The following DOCK4 variants were observed in gnomAD, a reference collection of about 807,000 sequenced individuals.
The protein encoded by DOCK4 is dedicator of cytokinesis protein 4.
In DOCK4, 97 loss-of-function variants were observed where a neutral mutation model predicts 268.1. The observed-to-expected ratio is 0.36, with a 90% CI of 0.31 to 0.43. The LOEUF is 0.43. DOCK4 is among the 20% of genes least tolerant of loss of function. DOCK4 has a pLI of 1.00. For synonymous variants in DOCK4, 954 were observed against 887.2 expected (o/e 1.08, Z -1.34); for missense variants, 2,145 against 2,455.7 (o/e 0.87, Z 2.67).
rs117693056 is a variant in DOCK4 at position 112,060,410 on chromosome 7, A to G, written c.38-56279T>C. 2.7e-3 allele frequency among the ~76,000 whole-genome samples: 416 copies of G among 152,256 alleles called. 1 individual carries two copies. Among genetic ancestry groups the G allele is most frequent in the Non-Finnish European group, 4.7e-3 (322 of 68,006 alleles). On this transcript the variant is annotated intron_variant, in intron 1 of 52. Transcript: ENST00000428084. The stretch of plus-strand genomic sequence containing the variant: ...TATAAAGTTCTCTAAAAATAGTATA[A>G]TGGTTCCTCAAAAAATTAAAAATGG...
At chr7:111,939,342 C>T (rs1795012882) in intron 11 of DOCK4, among the ~76,000 whole-genome samples, 3 of 151,642 alleles carry the variant, frequency 2.0e-5, no homozygotes, top group South Asian at 2.1e-4. Flanking sequence ...GGTGAAACCC[C>T]GTCTCTACTA....
At chr7:111,789,616 T>C (rs1304246577) in intron 31 of DOCK4, among the ~76,000 whole-genome samples, 3 of 152,240 alleles carry the variant, frequency 2.0e-5, no homozygotes, top group South Asian at 4.1e-4. Context: ...CTTTCATTCA[T>C]CTATTAGCTT....
At chr7:111,815,024 T>C (rs900070553) in intron 27 of DOCK4, among the ~76,000 whole-genome samples, 3 of 152,240 alleles carry the variant, frequency 2.0e-5, no homozygotes, top group Non-Finnish European at 4.4e-5. Flanking sequence ...TTACAGTTCC[T>C]ATAGTATACA....
intron 1 of DOCK4, among the ~76,000 whole-genome samples, chr7:112,005,975 A>C (rs1185561080): frequency 6.6e-6 from 1 of 152,160 alleles, no homozygotes; most frequent in Non-Finnish European, 1.5e-5. Flanking sequence ...TTTGCCTTCC[A>C]GGAATCTTCC....
At chr7:111,899,980 C>CT (rs1258459466) in intron 15 of DOCK4, among the ~76,000 whole-genome samples, 2 of 152,204 alleles carry the variant, frequency 1.3e-5, no homozygotes, top group Non-Finnish European at 2.9e-5. Flanking sequence ...ACTTCTAAGT[C>CT]TTTTTCCAGC....
chr7:111,927,226 T>C (rs1793792460), intron 12 of DOCK4, among the ~76,000 whole-genome samples: 1 of 152,172 alleles, frequency 6.6e-6, no homozygotes, highest in African/African-American at 2.4e-5. Flanking sequence ...CAAATAATCT[T>C]GTGATTATAA....
intron 38 of DOCK4, 69 bp downstream of exon 38, chr7:111,766,963 A>G (rs1382093274): frequency 2.4e-6 from 3 of 1,237,336 alleles, no homozygotes; most frequent in African/African-American, 3.0e-5. Context: ...TTAATTTCAT[A>G]GAACCACACT....
intron 14 of DOCK4, 49 bp from the exon 15 acceptor site, chr7:111,900,585 CT>C (rs1562863707): frequency 4.5e-6 from 7 of 1,565,108 alleles, no homozygotes; most frequent in Non-Finnish European, 4.3e-6. Flanking sequence ...ATCTAAAGAT[CT>C]TTTGAAAAGG....
intron 1 of DOCK4, among the ~76,000 whole-genome samples, chr7:112,202,698 T>C (rs550565716): frequency 6.6e-6 from 1 of 151,430 alleles, no homozygotes; most frequent in African/African-American, 2.4e-5. Context: ...TAGTGCACTA[T>C]GATGGCGCCT....
chr7:111,771,411 C>T (rs1482625767), intron 36 of DOCK4, among the ~76,000 whole-genome samples: 1 of 152,178 alleles, frequency 6.6e-6, no homozygotes, highest in Non-Finnish European at 1.5e-5. Flanking sequence ...GACAGTGATG[C>T]CTTCTGTTGC....
chr7:112,193,598 TAA>T (rs564039337), intron 1 of DOCK4, among the ~76,000 whole-genome samples: 27 of 132,126 alleles, frequency 2.0e-4, no homozygotes, highest in Admixed American at 2.3e-4. Context: ...GACCATGCCT[TAA>T]AAAAAAAAAA....
At chr7:112,111,345 A>C (rs1419953700) in intron 1 of DOCK4, among the ~76,000 whole-genome samples, 1 of 152,050 alleles carries the variant, frequency 6.6e-6, no homozygotes, top group Non-Finnish European at 1.5e-5. Flanking sequence ...GGAAGGCCTC[A>C]GTTCTCATTA....
At chr7:111,848,634 C>T (rs1055838294) in intron 23 of DOCK4, among the ~76,000 whole-genome samples, 4 of 152,014 alleles carry the variant, frequency 2.6e-5, no homozygotes, top group East Asian at 1.9e-4. Flanking sequence ...AAAGCTGAAT[C>T]GATGAAAAAC....
At chr7:112,203,737 CA>C (rs1370395296) in intron 1 of DOCK4, among the ~76,000 whole-genome samples, 2 of 151,446 alleles carry the variant, frequency 1.3e-5, no homozygotes, top group Non-Finnish European at 2.9e-5. Context: ...AAAGAAAAAA[CA>C]AACAACTTGC....
intron 1 of DOCK4, among the ~76,000 whole-genome samples, chr7:112,077,669 G>A (rs1808199809): frequency 1.3e-5 from 2 of 152,136 alleles, no homozygotes; most frequent in South Asian, 2.1e-4. Flanking sequence ...ATTAATATGT[G>A]CGTGTGTGTG....
Position 111,854,449 on chromosome 7 carries a change from G to T in DOCK4, c.2474-7323C>A, listed in dbSNP as rs190340819. Among the ~76,000 whole-genome samples the T allele has an allele frequency of 2.0e-5, 3 of 152,276 alleles. No homozygotes were observed. In the South Asian group the frequency reaches 6.2e-4, roughly 32 times the overall value. On this transcript the variant is annotated intron_variant, in intron 23 of 52. Transcript: ENST00000428084. Reference sequence around the variant, plus strand: ...CAAGAGGGACAGGAATTGCTCACTCGGGGAGCTCAGTTTTTGAGACGTGGG... The same window carrying T: ...CAAGAGGGACAGGAATTGCTCACTCTGGGAGCTCAGTTTTTGAGACGTGGG...
At chr7:111,961,854 C>T (rs534664187) in intron 8 of DOCK4, among the ~76,000 whole-genome samples, 11 of 152,274 alleles carry the variant, frequency 7.2e-5, no homozygotes, top group African/African-American at 2.6e-4. Flanking sequence ...GTGACTAAAC[C>T]AATCCAATGT....
chr7:112,003,296 G>A (rs1200752343), intron 2 of DOCK4, among the ~76,000 whole-genome samples: 1 of 152,062 alleles, frequency 6.6e-6, no homozygotes, highest in Non-Finnish European at 1.5e-5. Flanking sequence ...ACTGAGACAG[G>A]AGGATCCCTT....
intron 1 of DOCK4, among the ~76,000 whole-genome samples, chr7:112,125,032 A>G (rs1813085487): frequency 6.6e-6 from 1 of 152,214 alleles, no homozygotes; most frequent in African/African-American, 2.4e-5. Context: ...GCATGGCCCT[A>G]AAGCACTGAG....
Sources: gnomAD v4.1 joint callset for allele counts (sites outside exome capture counted in the v4.1 genomes callset) on GRCh38, gnomAD v4.1.1 for gene constraint, MANE v1.5 for transcripts, NCBI Gene and HGNC (gene_info 2026-07-23, HGNC 2026-07-21) for gene names.